The following CFAP206 variants were observed in gnomAD, a reference collection of about 807,000 sequenced individuals.
CFAP206 encodes the protein cilia- and flagella-associated protein 206.
CFAP206 carries 53 observed loss-of-function variants against 65.4 expected under a neutral mutation model. The ratio of observed to expected loss-of-function variants is 0.81; its 90% CI spans 0.65 to 1.02. The LOEUF (loss-of-function observed/expected upper bound fraction) is 1.02. Among genes scored for constraint, CFAP206 ranks in the 50% least tolerant of loss-of-function variants. CFAP206 has a pLI of 0.00. For synonymous variants in CFAP206, 250 were observed against 254.4 expected (o/e 0.98, Z 0.17); for missense variants, 663 against 753.2 (o/e 0.88, Z 1.40).
rs1768050604 is a variant in CFAP206 at position 87,426,769 on chromosome 6, C to T, written c.960+124C>T. On this transcript the variant is annotated intron_variant, in intron 8 of 12. Coordinates refer to ENST00000369562, the MANE Select transcript of CFAP206 (RefSeq NM_001031743.3). The stretch of plus-strand genomic sequence containing the variant: ...ATATAATGTTTTGTATAAATTGATC[C>T]TGTTCTTTATGGTTACTTTGCCGTA... 8 of 811,636 alleles carry T rather than the reference C, an allele frequency of 9.9e-6. No individual in the cohort carries two copies. In the South Asian group the frequency reaches 2.4e-4, roughly 25 times the overall value. The allele number at this position is 811,636 out of a possible 1,614,324, so 50.3% of individuals were successfully genotyped here. A position where few individuals can be genotyped will look rare whatever the true frequency, so the allele number is the denominator to read the frequency against.
intron 11 of CFAP206, among the ~76,000 whole-genome samples, chr6:87,449,296 G>A (rs898707161): frequency 1.3e-5 from 2 of 151,988 alleles, no homozygotes; most frequent in Admixed American, 6.6e-5. Context: ...AATTAGCCAG[G>A]TGTGGTGGCA....
chr6:87,411,360 T>C (rs909600489), intron 3 of CFAP206, among the ~76,000 whole-genome samples: 4 of 152,228 alleles, frequency 2.6e-5, no homozygotes, highest in African/African-American at 9.6e-5. Context: ...TTCATGGCCT[T>C]TGCCCACTTT....
chr6:87,416,924 T>A, intron 6 of CFAP206, 97 bp downstream of exon 6: 1 of 1,045,582 alleles, frequency 9.6e-7, no homozygotes, highest in Non-Finnish European at 1.4e-6. Context: ...CTGGCATTCT[T>A]AAATTTAAGA....
chr6:87,458,392 C>T (rs549724504), intron 11 of CFAP206, among the ~76,000 whole-genome samples: 1 of 152,272 alleles, frequency 6.6e-6, no homozygotes, highest in South Asian at 2.1e-4. Flanking sequence ...GCACTATCCA[C>T]AGTAGCCAAG....
intron 11 of CFAP206, among the ~76,000 whole-genome samples, chr6:87,453,606 T>C (rs1582151230): frequency 6.6e-6 from 1 of 151,930 alleles, no homozygotes; most frequent in Admixed American, 6.5e-5. Context: ...GATGAAAAAG[T>C]GTAGAGTTTT....
chr6:87,442,531 T>TA (rs1768376217), intron 11 of CFAP206, among the ~76,000 whole-genome samples: 1 of 152,148 alleles, frequency 6.6e-6, no homozygotes, highest in African/African-American at 2.4e-5. Context: ...TAGTATCAAA[T>TA]AGAGGTAGCG....
intron 11 of CFAP206, among the ~76,000 whole-genome samples, chr6:87,443,798 C>T (rs983370997): frequency 2.0e-5 from 3 of 152,050 alleles, no homozygotes; most frequent in Admixed American, 1.3e-4. Context: ...CTAGTAGCCC[C>T]CAGTATCTGT....
At chr6:87,427,169 G>A (rs1193329946) in intron 8 of CFAP206, among the ~76,000 whole-genome samples, 1 of 152,100 alleles carries the variant, frequency 6.6e-6, no homozygotes, top group Non-Finnish European at 1.5e-5. Flanking sequence ...ACGGAGTCTC[G>A]CTTTGTCGCC....
intron 11 of CFAP206, among the ~76,000 whole-genome samples, chr6:87,459,201 A>G (rs1203372780): frequency 6.6e-6 from 1 of 152,162 alleles, no homozygotes; most frequent in Admixed American, 6.5e-5. Context: ...GAAAATTTTA[A>G]TAATTTTTCT....
chr6:87,431,182 T>C lies in CFAP206; in HGVS notation c.1300+9T>C, dbSNP rs750054934. ...TGGTCTTCTCCTTCCAGGTATATCA[T>C]TGGAAATGAGACTGCTCTCCTTTCC... On this transcript the variant is annotated intron_variant, in intron 10 of 12. Transcript: ENST00000369562. 4.3e-6 allele frequency: 7 copies of C among 1,610,952 alleles called. No homozygotes were observed. The highest frequency in any genetic ancestry group is 5.1e-6 in the Non-Finnish European group (6 of 1,178,270).
rs560381965 is a variant in CFAP206, at chr6:87,448,872, G to T, written c.1495-12150G>T. Among the ~76,000 whole-genome samples, 4 of 152,134 alleles carry T rather than the reference G, an allele frequency of 2.6e-5. No homozygotes were observed. In the South Asian group the frequency reaches 8.3e-4, roughly 32 times the overall value. On this transcript the variant is annotated intron_variant, in intron 11 of 12. Transcript: ENST00000369562. ...TTTTATGGTTGAATGATATTCTATT[G>T]TGTAAATATACCATATTTTCTTTAT... is the stretch of plus-strand genomic sequence containing the variant.
intron 7 of CFAP206, among the ~76,000 whole-genome samples, chr6:87,422,238 CA>C (rs1371448443): frequency 6.7e-6 from 1 of 150,212 alleles, no homozygotes; most frequent in East Asian, 2.0e-4. Flanking sequence ...CACCTGAGGT[CA>C]GGAGTTCAAG....
intron 11 of CFAP206, among the ~76,000 whole-genome samples, chr6:87,455,146 T>C (rs1200762413): frequency 6.6e-6 from 1 of 151,982 alleles, no homozygotes; most frequent in Non-Finnish European, 1.5e-5. Context: ...GGACTTGAAC[T>C]CCTGACCTCA....
chr6:87,410,794 A>G (rs6909168), intron 3 of CFAP206, 126 bp downstream of exon 3: 198,621 of 702,620 alleles, frequency 0.28, 29,381 homozygotes, highest in African/African-American at 0.39. Context: ...TATACACGAG[A>G]TATTTTTCTC....
intron 11 of CFAP206, among the ~76,000 whole-genome samples, chr6:87,439,535 G>T (rs1342155544): frequency 6.6e-6 from 1 of 151,892 alleles, no homozygotes; most frequent in Non-Finnish European, 1.5e-5. Context: ...TCTTTTTGTG[G>T]TGTCTCTTGA....
At chr6:87,423,243 TTTTTA>T (rs1767977273) in intron 7 of CFAP206, among the ~76,000 whole-genome samples, 1 of 147,576 alleles carries the variant, frequency 6.8e-6, no homozygotes, top group South Asian at 2.1e-4. Context: ...TATTTTTATT[TTTTTA>T]TTTTTCTTTT....
At position 87,409,816 on chromosome 6, in the gene CFAP206, A is replaced by G. The variant is rs530151510; in HGVS notation, c.-5-19A>G. On this transcript the variant is annotated intron_variant, in intron 1 of 12. Coordinates refer to ENST00000369562, the MANE Select transcript of CFAP206 (RefSeq NM_001031743.3). ...CATAAAACCACGGTTTTTTTAAAAA[A>G]AATTGTTGTTTTATTTAGCCAGAAT... The G allele has an allele frequency of 1.0e-5, 16 of 1,544,598 alleles. No homozygotes were observed. Among genetic ancestry groups the G allele is most frequent in the Non-Finnish European group, 1.4e-5 (16 of 1,131,984 alleles).
chr6:87,416,559 T>A (rs1172597513), intron 5 of CFAP206, 110 bp from the exon 6 acceptor site: 1 of 914,872 alleles, frequency 1.1e-6, no homozygotes, highest in Non-Finnish European at 1.6e-6. Context: ...TAAAGAATCA[T>A]ATAAGTAACT....
intron 1 of CFAP206, 140 bp downstream of exon 1, chr6:87,408,229 T>C (rs559600212): frequency 4.0e-4 from 96 of 238,906 alleles, no homozygotes; most frequent in African/African-American, 2.0e-3. Flanking sequence ...CTCGATCCTT[T>C]AGGCTGCGCC....
Sources: gnomAD v4.1 joint callset for allele counts (sites outside exome capture counted in the v4.1 genomes callset) on GRCh38, gnomAD v4.1.1 for gene constraint, MANE v1.5 for transcripts, NCBI Gene and HGNC (gene_info 2026-07-23, HGNC 2026-07-21) for gene names.